Variants in PROM1 observed in about 807,000 individuals in gnomAD.
PROM1 encodes prominin-1.
PROM1 carries 105 observed loss-of-function variants against 116.9 expected under a neutral mutation model. That is an observed-to-expected ratio of 0.90 (90% CI 0.77 to 1.06). The LOEUF (loss-of-function observed/expected upper bound fraction) is 1.06. Ranked by LOEUF, PROM1 falls within the 50% of genes least tolerant of loss-of-function variation. The pLI is 0.00. For synonymous variants in PROM1, 393 were observed against 387.0 expected (o/e 1.02, Z -0.18); for missense variants, 1,122 against 1,045.2 (o/e 1.07, Z -1.01).
intron 23 of PROM1, among the ~76,000 whole-genome samples, chr4:15,981,501 G>A (rs533827351): frequency 1.3e-5 from 2 of 151,874 alleles, no homozygotes; most frequent in Admixed American, 6.5e-5. Context: ...GAACCCAGGA[G>A]GCGGAGGTTG....
At chr4:16,057,166 G>A (rs1416170548) in intron 2 of PROM1, among the ~76,000 whole-genome samples, 1 of 152,188 alleles carries the variant, frequency 6.6e-6, no homozygotes, top group African/African-American at 2.4e-5. Context: ...GCAGGCATCC[G>A]GGTAGTCAGT....
chr4:16,023,004 C>T (rs1560508899), intron 8 of PROM1, among the ~76,000 whole-genome samples: 1 of 152,166 alleles, frequency 6.6e-6, no homozygotes, highest in Non-Finnish European at 1.5e-5. Context: ...ACTCTGCCAT[C>T]ATAGCACGAA....
intron 8 of PROM1, among the ~76,000 whole-genome samples, chr4:16,020,651 C>A (rs770958424): frequency 2.8e-4 from 43 of 152,096 alleles, no homozygotes; most frequent in Middle Eastern, 3.2e-3. Flanking sequence ...TATCTTAAGG[C>A]AAGAACCACC....
In PROM1 at chr4:15,980,295, A is replaced by AC. The variant is rs745830890; in HGVS notation, c.2489+126dup. The AC allele has an allele frequency of 8.7e-6, 6 of 688,658 alleles. No homozygotes were observed. The South Asian group carries it at 1.0e-4, about 12-fold the overall frequency. 42.7% of individuals were successfully genotyped at this position (688,658 alleles called of 1,614,324 possible). On this transcript the variant is annotated intron_variant, in intron 24 of 27. Transcript: ENST00000447510. ...AATTCACCTGAACAGAAGTGACCCA[A>AC]CTACTACTAAAAAAAAAAAAAAAAA...
chr4:15,998,454 C>T lies in PROM1; in HGVS notation c.1613G>A (p.Trp538Ter). The T allele has an allele frequency of 6.2e-7, 1 of 1,608,540 alleles. No homozygotes were observed. The highest frequency in any genetic ancestry group is 8.5e-7 in the Non-Finnish European group (1 of 1,178,504). ...LDTPYLLNEDWEYYLSGKLFN... is the reference protein window; with the variant it reads ...LDTPYLLNED ...TAGCTTCCCAGAGAGATAGTATTCCCAGTCTTCATTTAGTAAGTAGGGTGT... is the reference window on the plus strand; with the variant it reads ...TAGCTTCCCAGAGAGATAGTATTCCTAGTCTTCATTTAGTAAGTAGGGTGT... The change falls in exon 15 of 28, where the codon TGG becomes TAG. Residue 538 changes from tryptophan (W) to a stop codon, truncating the protein, a stop_gained. Transcript: ENST00000447510. LOFTEE classifies it high-confidence loss of function.
chr4:16,004,526 A>G (rs564877200), intron 13 of PROM1, among the ~76,000 whole-genome samples: 22 of 152,344 alleles, frequency 1.4e-4, no homozygotes, highest in Middle Eastern at 3.4e-3. Context: ...AAGTAGTTAA[A>G]AAAGATGGAA....
At chr4:16,023,754 T>TA (rs1398000046) in intron 7 of PROM1, among the ~76,000 whole-genome samples, 1 of 152,210 alleles carries the variant, frequency 6.6e-6, no homozygotes, top group African/African-American at 2.4e-5. Context: ...ACGGGATGCT[T>TA]AGAGACATCC....
intron 12 of PROM1, among the ~76,000 whole-genome samples, 198 bp downstream of exon 12, chr4:16,008,751 A>G (rs1163529404): frequency 6.6e-6 from 1 of 152,246 alleles, no homozygotes; most frequent in African/African-American, 2.4e-5. Flanking sequence ...GCATTGTTCC[A>G]ATTTTAGTAT....
In PROM1 at chr4:15,993,943, GTGAAGGAA is replaced by G. The variant is rs1391371161; in HGVS notation, c.1767+36_1767+43del. 5 of 1,575,420 alleles carry G rather than the reference GTGAAGGAA, an allele frequency of 3.2e-6. No individual in the cohort carries two copies. In the East Asian group the frequency reaches 1.1e-4, roughly 36 times the overall value. ...AAAGAAAGAAAGACACCTAGATTTG[GTGAAGGAA>G]TGTGTTATGTCGATTCCATGACGAG... is the stretch of plus-strand genomic sequence containing the variant. On this transcript the variant is annotated intron_variant, in intron 16 of 27. Transcript: ENST00000447510.
chr4:15,999,339 C>T (rs1342997718), intron 14 of PROM1, among the ~76,000 whole-genome samples: 1 of 151,890 alleles, frequency 6.6e-6, no homozygotes, highest in Non-Finnish European at 1.5e-5. Context: ...CGCGTGGTGG[C>T]GGGCACCTGT....
At chr4:16,053,516 TTAA>T (rs1382613589) in intron 2 of PROM1, among the ~76,000 whole-genome samples, 1 of 152,220 alleles carries the variant, frequency 6.6e-6, no homozygotes, top group Non-Finnish European at 1.5e-5. Flanking sequence ...GGCACTAAAC[TTAA>T]TGATGATACT....
intron 2 of PROM1, among the ~76,000 whole-genome samples, chr4:16,051,623 T>C (rs921110031): frequency 6.6e-6 from 1 of 152,208 alleles, no homozygotes; most frequent in Non-Finnish European, 1.5e-5. Context: ...CTCATCAGGA[T>C]GTGCTTTGTG....
intron 11 of PROM1, among the ~76,000 whole-genome samples, chr4:16,009,903 C>A (rs951932019): frequency 6.8e-6 from 1 of 147,158 alleles, no homozygotes; most frequent in Non-Finnish European, 1.5e-5. Flanking sequence ...TCATTGTACT[C>A]CAGCCTGGGT....
At chr4:16,031,065 A>G (rs1732591766) in intron 5 of PROM1, among the ~76,000 whole-genome samples, 1 of 152,194 alleles carries the variant, frequency 6.6e-6, no homozygotes, top group South Asian at 2.1e-4. Context: ...AAGAAACCCA[A>G]TATATTGGAA....
At chr4:16,044,543 CA>C (rs1437763652) in intron 2 of PROM1, among the ~76,000 whole-genome samples, 3 of 152,194 alleles carry the variant, frequency 2.0e-5, no homozygotes, top group African/African-American at 7.2e-5. Flanking sequence ...ACACATAGTT[CA>C]GGGGGTCTTG....
At chr4:16,000,333 T>A (rs556492632) in intron 14 of PROM1, among the ~76,000 whole-genome samples, 163 bp downstream of exon 14, 138 of 152,344 alleles carry the variant, frequency 9.1e-4, no homozygotes, top group Middle Eastern at 3.4e-3. Flanking sequence ...ACTGAATTTA[T>A]TGAATATTTG....
chr4:15,982,394 C>T lies in PROM1; in HGVS notation c.2374-1857G>A, dbSNP rs552095192. Among the ~76,000 whole-genome samples the T allele has an allele frequency of 7.2e-5, 11 of 152,274 alleles. No homozygotes were observed. The South Asian group carries it at 2.1e-3, about 29-fold the overall frequency. ...CTATGTTCTGTTAGATTTCTGTTTTCAACCTTGTCTTGAGAAGCTTTATAA... is the reference window on the plus strand; with the variant it reads ...CTATGTTCTGTTAGATTTCTGTTTTTAACCTTGTCTTGAGAAGCTTTATAA... On this transcript the variant is annotated intron_variant, in intron 23 of 27. Coordinates refer to ENST00000447510, the MANE Select transcript of PROM1 (RefSeq NM_006017.3).
At chr4:16,060,108 T>C (rs150278908) in intron 2 of PROM1, among the ~76,000 whole-genome samples, 2 of 152,106 alleles carry the variant, frequency 1.3e-5, no homozygotes, top group East Asian at 3.9e-4. Context: ...TGGTTGCCTA[T>C]AAAGGGAGGC....
At chr4:16,049,798 T>C (rs936900684) in intron 2 of PROM1, among the ~76,000 whole-genome samples, 2 of 152,090 alleles carry the variant, frequency 1.3e-5, no homozygotes, top group Non-Finnish European at 2.9e-5. Flanking sequence ...TTTTTTCTTG[T>C]AAATTGATGT....
Sources: allele counts gnomAD v4.1 joint callset (sites outside exome capture counted in the v4.1 genomes callset), GRCh38; gene constraint gnomAD v4.1.1; transcripts MANE v1.5; gene names NCBI Gene and HGNC (gene_info 2026-07-23, HGNC 2026-07-21).